DOCK3: variants seen among roughly 807,000 people sequenced by gnomAD.
The protein encoded by DOCK3 is dedicator of cytokinesis protein 3.
In DOCK3, 60 loss-of-function variants were observed where a neutral mutation model predicts 265.6. The ratio of observed to expected loss-of-function variants is 0.23; its 90% CI spans 0.18 to 0.28. The LOEUF is 0.28. Ranked by LOEUF, DOCK3 falls within the 10% of genes least tolerant of loss-of-function variation. DOCK3 has a pLI of 1.00. For missense variants in DOCK3, 1,981 were observed against 2,594.3 expected (o/e 0.76, Z 5.14); for synonymous variants, 881 against 938.0 (o/e 0.94, Z 1.11).
rs2084009080 is a variant in DOCK3 at position 51,121,355 on chromosome 3, A to G, written c.747-25194A>G. Among the ~76,000 whole-genome samples the G allele has an allele frequency of 2.0e-5, 3 of 152,250 alleles. No homozygotes were observed. The South Asian group carries it at 6.2e-4, about 32-fold the overall frequency. On this transcript the variant is annotated intron_variant, in intron 9 of 52. Coordinates refer to ENST00000266037, the MANE Select transcript of DOCK3 (RefSeq NM_004947.5). ...TAACCAGTCCCAGTGAGATGAACCT[A>G]GTACCTCAATTGGAAATGCAGAAAT...
intron 22 of DOCK3, among the ~76,000 whole-genome samples, chr3:51,253,267 G>A (rs2079361008): frequency 6.6e-6 from 1 of 152,206 alleles, no homozygotes; most frequent in Non-Finnish European, 1.5e-5. Flanking sequence ...CAGTTTGCTA[G>A]TATTTTACTG....
At chr3:50,979,688 C>A (rs2108541048) in intron 5 of DOCK3, among the ~76,000 whole-genome samples, 1 of 152,284 alleles carries the variant, frequency 6.6e-6, no homozygotes, top group African/African-American at 2.4e-5. Flanking sequence ...ATAAATTACC[C>A]AGCCTCAGGT....
chr3:51,172,706 G>A (rs1376655699), intron 12 of DOCK3, among the ~76,000 whole-genome samples: 1 of 151,994 alleles, frequency 6.6e-6, no homozygotes, highest in Non-Finnish European at 1.5e-5. Context: ...TGGTAGTTTT[G>A]TCTTGTTTTT....
intron 5 of DOCK3, among the ~76,000 whole-genome samples, chr3:51,016,488 CAT>C (rs1277737660): frequency 3.7e-4 from 25 of 66,832 alleles, no homozygotes; most frequent in African/African-American, 1.7e-3. Context: ...ATATATATAT[CAT>C]ATATTTCTAC....
intron 9 of DOCK3, among the ~76,000 whole-genome samples, chr3:51,126,593 T>G (rs2084277561): frequency 6.6e-6 from 1 of 152,174 alleles, no homozygotes; most frequent in African/African-American, 2.4e-5. Flanking sequence ...GACTTAGCAT[T>G]GTGCTGTCCT....
chr3:50,706,088 T>C (rs891186602), intron 1 of DOCK3, among the ~76,000 whole-genome samples: 1 of 152,100 alleles, frequency 6.6e-6, no homozygotes, highest in Non-Finnish European at 1.5e-5. Flanking sequence ...CCTGCCACCT[T>C]ATGAAGAAGG....
At chr3:51,095,909 C>CA (rs796742806) in intron 9 of DOCK3, among the ~76,000 whole-genome samples, 1,466 of 53,994 alleles carry the variant, frequency 0.027, 96 homozygotes, top group African/African-American at 0.073. Context: ...TGCTCTCTGG[C>CA]AAAAAAAAAA....
At chr3:51,223,470 A>G (rs899434211) in intron 14 of DOCK3, among the ~76,000 whole-genome samples, 4 of 152,144 alleles carry the variant, frequency 2.6e-5, no homozygotes, top group African/African-American at 9.7e-5. Context: ...TAATATTTAA[A>G]TGAAGCACCT....
Position 51,034,040 on chromosome 3 carries a change from C to T in DOCK3, c.316-30408C>T, listed in dbSNP as rs142029550. Among the ~76,000 whole-genome samples the T allele has an allele frequency of 2.5e-3, 382 of 152,164 alleles. 6 individuals are homozygous for T. Among genetic ancestry groups the T allele is most frequent in the East Asian group, 4.8e-3 (25 of 5,178 alleles). On this transcript the variant is annotated intron_variant, in intron 5 of 52. Coordinates refer to ENST00000266037, the MANE Select transcript of DOCK3 (RefSeq NM_004947.5). ...GTTAATGTCTTATCGTTCTTAGTAG[C>T]TCAGACTAGTTCTTGTTCAGACTTG...
chr3:51,356,584 A>G, intron 43 of DOCK3, 91 bp downstream of exon 43: 1 of 1,354,858 alleles, frequency 7.4e-7, no homozygotes. Flanking sequence ...AGAAAAAGAG[A>G]GCGTCGGCCA....
intron 6 of DOCK3, among the ~76,000 whole-genome samples, chr3:51,066,293 A>C (rs780677153): frequency 6.6e-6 from 1 of 152,202 alleles, no homozygotes; most frequent in Admixed American, 6.5e-5. Context: ...CGTCCCACTA[A>C]ATATTTATAA....
At chr3:50,904,840 C>G (rs1307905293) in intron 4 of DOCK3, among the ~76,000 whole-genome samples, 4 of 151,988 alleles carry the variant, frequency 2.6e-5, no homozygotes, top group African/African-American at 9.7e-5. Context: ...CTTGCACATG[C>G]CTATGTCCTA....
intron 9 of DOCK3, among the ~76,000 whole-genome samples, chr3:51,099,501 A>C (rs1259576737): frequency 6.6e-6 from 1 of 152,260 alleles, no homozygotes; most frequent in Admixed American, 6.5e-5. Flanking sequence ...CTGCCTAAAA[A>C]TACGTAGGAC....
At chr3:51,265,347 T>C (rs1040177713) in intron 23 of DOCK3, among the ~76,000 whole-genome samples, 1 of 152,152 alleles carries the variant, frequency 6.6e-6, no homozygotes, top group Non-Finnish European at 1.5e-5. Context: ...CCGAACTCAT[T>C]TTATGAATCC....
Position 51,383,867 on chromosome 3 carries a change from T to C in DOCK3, c.*2308T>C, listed in dbSNP as rs2088819076. 1 of 152,620 alleles carries C rather than the reference T, an allele frequency of 6.6e-6. No individual in the cohort carries two copies. The highest frequency in any genetic ancestry group is 1.5e-5 in the Non-Finnish European group (1 of 68,008). The allele number at this position is 152,620 out of a possible 1,614,324, so 9.5% of individuals were successfully genotyped here. A position where few individuals can be genotyped will look rare whatever the true frequency, so the allele number is the denominator to read the frequency against. ...TGTATAGAGTGTGATGTCCAATTGGTATTCAGCACTATAAATGTGTTTTTA... is the reference window on the plus strand; with the variant it reads ...TGTATAGAGTGTGATGTCCAATTGGCATTCAGCACTATAAATGTGTTTTTA... On this transcript the variant is annotated 3_prime_UTR_variant, in exon 53 of 53. Coordinates refer to ENST00000266037, the MANE Select transcript of DOCK3 (RefSeq NM_004947.5).
intron 5 of DOCK3, among the ~76,000 whole-genome samples, chr3:51,024,204 T>G (rs1053307348): frequency 6.6e-6 from 1 of 152,200 alleles, no homozygotes; most frequent in Non-Finnish European, 1.5e-5. Flanking sequence ...TTGTAATAGT[T>G]ATTATGTACT....
intron 2 of DOCK3, among the ~76,000 whole-genome samples, chr3:50,835,414 A>G (rs1428439494): frequency 6.6e-6 from 1 of 152,230 alleles, no homozygotes; most frequent in Admixed American, 6.5e-5. Context: ...TTAAAATCAC[A>G]GTCTTCAAAC....
At chr3:51,347,579 T>A (rs1175750119) in intron 38 of DOCK3, among the ~76,000 whole-genome samples, 1 of 152,244 alleles carries the variant, frequency 6.6e-6, no homozygotes, top group Non-Finnish European at 1.5e-5. Context: ...GCGTGATGCC[T>A]CCAGCTTTGT....
intron 9 of DOCK3, among the ~76,000 whole-genome samples, chr3:51,091,776 C>T (rs775593280): frequency 1.3e-4 from 20 of 151,366 alleles, no homozygotes; most frequent in Non-Finnish European, 2.2e-4. Context: ...ATGCAGAAGG[C>T]GGGTGATTTC....
Sources: allele counts gnomAD v4.1 joint callset (sites outside exome capture counted in the v4.1 genomes callset), GRCh38; gene constraint gnomAD v4.1.1; transcripts MANE v1.5; gene names NCBI Gene and HGNC (gene_info 2026-07-23, HGNC 2026-07-21).